The following MTAP variants were observed in gnomAD, a reference collection of about 807,000 sequenced individuals.
The protein encoded by MTAP is methylthioadenosine phosphorylase, also known as S-methyl-5'-thioadenosine phosphorylase.
A neutral mutation model predicts 33.6 loss-of-function variants in MTAP; 33 were observed. The ratio of observed to expected loss-of-function variants is 0.98; its 90% CI spans 0.74 to 1.31. The LOEUF (loss-of-function observed/expected upper bound fraction) is 1.31, where lower values mean the gene tolerates loss of function less well. Ranked by LOEUF, MTAP falls within the 40% of genes most tolerant of loss-of-function variation. MTAP has a pLI of 0.00. For missense variants in MTAP, 367 were observed against 360.0 expected, an observed-to-expected ratio of 1.02 and a Z score of -0.16; for synonymous variants, 148 against 125.7, an observed-to-expected ratio of 1.18 and a Z score of -1.19.
chr9:21,822,296 T>G (rs1049839369), intron 4 of MTAP, among the ~76,000 whole-genome samples: 1 of 152,246 alleles, frequency 6.6e-6, no homozygotes, highest in Non-Finnish European at 1.5e-5. Context: ...TACACACTGC[T>G]TTAAATGTGT....
At chr9:21,849,245 A>G (rs1825454336) in intron 5 of MTAP, among the ~76,000 whole-genome samples, 4 of 152,154 alleles carry the variant, frequency 2.6e-5, no homozygotes, top group Admixed American at 1.3e-4. Flanking sequence ...TCCTTCCCCA[A>G]GGAGACCTCC....
intron 1 of MTAP, among the ~76,000 whole-genome samples, chr9:21,881,846 C>T (rs1209584212): frequency 1.3e-5 from 2 of 151,836 alleles, no homozygotes; most frequent in African/African-American, 4.8e-5. Flanking sequence ...AATAGAAATA[C>T]CATATGATTC....
rs574577191 is a variant in MTAP at position 21,913,948 on chromosome 9, A to T, written c.148-17060A>T. The stretch of plus-strand genomic sequence containing the variant: ...CAAATTTACAAGAAAAAATCGAACA[A>T]CCCCATCAAAAAGTGGGCAAAGGAT... On this transcript the variant is annotated intron_variant, in intron 1 of 1. Coordinates refer to the MTAP transcript ENST00000577563. Among the ~76,000 whole-genome samples, 47 of 152,228 alleles carry T rather than the reference A, an allele frequency of 3.1e-4. 1 individual carries two copies. The Middle Eastern group carries it at 0.017, about 55-fold the overall frequency.
chr9:21,859,602 T>A (rs1234074605), intron 7 of MTAP, 177 bp downstream of exon 7: 3 of 623,974 alleles, frequency 4.8e-6, no homozygotes, highest in Middle Eastern at 4.4e-4. Context: ...TAGTCTTATT[T>A]TCTGGCTGGT....
Position 21,864,114 on chromosome 9 carries a change from T to C in MTAP, c.*2100T>C, listed in dbSNP as rs969128339. On this transcript the variant is annotated 3_prime_UTR_variant, in exon 8 of 8. Coordinates refer to ENST00000644715, the MANE Select transcript of MTAP (RefSeq NM_002451.4). The stretch of plus-strand genomic sequence containing the variant: ...CAGGGCAAAAGTATGGGCATTTTTC[T>C]TGCTATGTTCAGAAAGTACAGTTCT... 3.0e-6 allele frequency: 3 copies of C among 985,444 alleles called. No homozygotes were observed. Among genetic ancestry groups the C allele is most frequent in the Non-Finnish European group, 3.6e-6 (3 of 829,940 alleles). 61.0% of individuals were successfully genotyped at this position (985,444 alleles called of 1,614,324 possible).
rs373177944 is a variant in MTAP, at chr9:21,866,813, CA to C, written c.*4801del. 1.3e-5 allele frequency: 2 copies of C among 152,048 alleles called. No individual in the cohort carries two copies. The highest frequency in any genetic ancestry group is 4.8e-5 in the African/African-American group (2 of 41,422). 9.4% of individuals were successfully genotyped at this position (152,048 alleles called of 1,614,324 possible). The stretch of plus-strand genomic sequence containing the variant: ...TTTAGGTCGATTTGGGAAGAATTGA[CA>C]ATATTGAACCTTTCAATCGATGGAC... On this transcript the variant is annotated 3_prime_UTR_variant, in exon 8 of 8. Transcript: ENST00000644715.
intron 1 of MTAP, among the ~76,000 whole-genome samples, chr9:21,882,670 A>G (rs775690583): frequency 2.6e-5 from 4 of 152,086 alleles, no homozygotes; most frequent in African/African-American, 9.6e-5. Context: ...TAATCAGAAA[A>G]TATCTCTATA....
chr9:21,891,553 G>C (rs897999132), intron 1 of MTAP, among the ~76,000 whole-genome samples: 1 of 152,126 alleles, frequency 6.6e-6, no homozygotes, highest in Non-Finnish European at 1.5e-5. Flanking sequence ...AGAGCTTGAA[G>C]ACCAGTTCTT....
At chr9:21,887,234 T>C (rs1201239853) in intron 1 of MTAP, among the ~76,000 whole-genome samples, 2 of 152,130 alleles carry the variant, frequency 1.3e-5, no homozygotes, top group Non-Finnish European at 2.9e-5. Flanking sequence ...TAACATTAGG[T>C]ATATCTCCTA....
chr9:21,847,057 T>C (rs1825402160), intron 5 of MTAP, among the ~76,000 whole-genome samples: 1 of 152,154 alleles, frequency 6.6e-6, no homozygotes, highest in Admixed American at 6.5e-5. Context: ...GCTGCCAGCA[T>C]GGCTAGAATA....
At chr9:21,811,579 T>A in intron 1 of MTAP, 1 of 420,130 alleles carries the variant, frequency 2.4e-6, no homozygotes, top group Non-Finnish European at 4.7e-6. Flanking sequence ...AATAAAGGGT[T>A]CACACCACTT....
intron 4 of MTAP, 89 bp from the exon 5 acceptor site, chr9:21,837,819 C>G: frequency 1.1e-6 from 1 of 949,738 alleles, no homozygotes; most frequent in Non-Finnish European, 1.6e-6. Flanking sequence ...AAATATTGAC[C>G]TAGATAAAGT....
chr9:21,941,002 A>G, downstream of MTAP: 1 of 985,284 alleles, frequency 1.0e-6, no homozygotes, highest in Non-Finnish European at 1.2e-6. Context: ...TGGAGCAAAG[A>G]CCAAACATAT....
downstream of MTAP, among the ~76,000 whole-genome samples, chr9:21,871,034 G>T (rs1389342000): frequency 6.6e-6 from 1 of 151,970 alleles, no homozygotes; most frequent in Non-Finnish European, 1.5e-5. Flanking sequence ...GCCTTACAAA[G>T]TGCTAGGATC....
chr9:21,814,215 G>C (rs1359185143), intron 1 of MTAP, among the ~76,000 whole-genome samples: 1 of 152,056 alleles, frequency 6.6e-6, no homozygotes, highest in Non-Finnish European at 1.5e-5. Context: ...TTTTGTGTGT[G>C]TGTTTTGTTT....
At chr9:21,897,181 C>G (rs1818310098) in intron 1 of MTAP, among the ~76,000 whole-genome samples, 1 of 152,136 alleles carries the variant, frequency 6.6e-6, no homozygotes, top group Non-Finnish European at 1.5e-5. Context: ...AATTCAGCAG[C>G]CCTTCATGCT....
intron 5 of MTAP, among the ~76,000 whole-genome samples, chr9:21,841,172 T>C (rs1002766347): frequency 6.6e-6 from 1 of 152,174 alleles, no homozygotes; most frequent in Non-Finnish European, 1.5e-5. Context: ...CCCACCCTGG[T>C]AGCCAAACAC....
chr9:21,894,876 A>G (rs868325544), intron 1 of MTAP, among the ~76,000 whole-genome samples: 1 of 152,250 alleles, frequency 6.6e-6, no homozygotes, highest in Middle Eastern at 3.4e-3. Context: ...ATTTCAATAC[A>G]TCAATAACAT....
At chr9:21,837,720 A>T (rs1825145141) in intron 4 of MTAP, among the ~76,000 whole-genome samples, 188 bp from the exon 5 acceptor site, 1 of 152,192 alleles carries the variant, frequency 6.6e-6, no homozygotes, top group African/African-American at 2.4e-5. Flanking sequence ...CTGCCAGCCC[A>T]GAGCCAAAAA....
Sources: allele counts gnomAD v4.1 joint callset (sites outside exome capture counted in the v4.1 genomes callset), GRCh38; gene constraint gnomAD v4.1.1; transcripts MANE v1.5; gene names NCBI Gene and HGNC (gene_info 2026-07-23, HGNC 2026-07-21).